TAS2R1: variants seen among roughly 807,000 people sequenced by gnomAD.
TAS2R1 encodes taste receptor type 2 member 1.
For synonymous variants in TAS2R1, 141 were observed against 134.2 expected (o/e 1.05, Z -0.35); for missense variants, 370 against 353.4 (o/e 1.05, Z -0.38).
chr5:9,802,036 T>C, the TAS2R1 span, among the ~76,000 whole-genome samples: 1 of 152,104 alleles, frequency 6.6e-6, no homozygotes, highest in Admixed American at 6.5e-5. Flanking sequence ...TAACCAGGCA[T>C]CCCTAGGGCA....
the TAS2R1 span, among the ~76,000 whole-genome samples, chr5:9,756,898 A>C: frequency 6.6e-6 from 1 of 152,216 alleles, no homozygotes; most frequent in Non-Finnish European, 1.5e-5. Context: ...TAATATGCTC[A>C]TAAAGAACCT....
At chr5:9,749,749 A>C in the TAS2R1 span, among the ~76,000 whole-genome samples, 2 of 152,242 alleles carry the variant, frequency 1.3e-5, no homozygotes, top group African/African-American at 4.8e-5. Context: ...TACAAAGAAC[A>C]ACAAAATCAC....
rs1311509123 is a variant in TAS2R1, at chr5:9,628,286, GC to G, written c.*846del. ...TGATGTTGCTTCATTGGGAAGACAG[GC>G]AATGCAGGAGGAGTTCCAAATTACC... On this transcript the variant is annotated 3_prime_UTR_variant, in exon 1 of 1. Coordinates refer to ENST00000382492, the MANE Select transcript of TAS2R1 (RefSeq NM_019599.3). 6.6e-6 allele frequency among the ~76,000 whole-genome samples: 1 copy of G among 152,110 alleles called. No individual in the cohort carries two copies. Among genetic ancestry groups the G allele is most frequent in the African/African-American group, 2.4e-5 (1 of 41,400 alleles).
At chr5:9,718,560 G>A in the TAS2R1 span, among the ~76,000 whole-genome samples, 1 of 152,130 alleles carries the variant, frequency 6.6e-6, no homozygotes. Context: ...GGCAAAGACA[G>A]GAAGACTGCT....
At chr5:9,658,077 G>T (rs1740451814) in intron 2 of TAS2R1, among the ~76,000 whole-genome samples, 1 of 152,066 alleles carries the variant, frequency 6.6e-6, no homozygotes. Flanking sequence ...TGAGCTCTAG[G>T]CACATCAGAG....
intron 2 of TAS2R1, among the ~76,000 whole-genome samples, chr5:9,654,596 A>G (rs2126490878): frequency 6.6e-6 from 1 of 152,334 alleles, no homozygotes; most frequent in South Asian, 2.1e-4. Flanking sequence ...GAAAGGAAAA[A>G]ATGTCCATAA....
At chr5:9,872,045 CATAA>C in the TAS2R1 span, among the ~76,000 whole-genome samples, 2 of 152,106 alleles carry the variant, frequency 1.3e-5, no homozygotes, top group African/African-American at 4.8e-5. Context: ...TATATATGGG[CATAA>C]ATATTCTATT....
chr5:9,885,789 A>C, the TAS2R1 span, among the ~76,000 whole-genome samples: 1 of 152,198 alleles, frequency 6.6e-6, no homozygotes, highest in East Asian at 1.9e-4. Flanking sequence ...TTTTGAGAGA[A>C]GGAAAGTGTT....
At chr5:9,789,103 T>C in the TAS2R1 span, among the ~76,000 whole-genome samples, 1 of 152,274 alleles carries the variant, frequency 6.6e-6, no homozygotes, top group African/African-American at 2.4e-5. Flanking sequence ...TTCCCATGCC[T>C]ACCCCCAAGT....
chr5:9,786,516 A>G, the TAS2R1 span, among the ~76,000 whole-genome samples: 1 of 152,232 alleles, frequency 6.6e-6, no homozygotes, highest in East Asian at 1.9e-4. Flanking sequence ...AGCACGTACA[A>G]TAACACGGTT....
At position 9,708,749 on chromosome 5, in the gene TAS2R1, C is replaced by T. The variant is rs951632394; in HGVS notation, c.-242+3423G>A. On this transcript the variant is annotated intron_variant, in intron 1 of 2. Coordinates refer to the TAS2R1 transcript ENST00000506620. ...TCCTGTGTATGTCAGAAATGCTTTC[C>T]GGAGAAAGTCATGGAATGCCCAACC... Among the ~76,000 whole-genome samples, 10 of 152,228 alleles carry T rather than the reference C, an allele frequency of 6.6e-5. 1 individual carries two copies. Among genetic ancestry groups the T allele is most frequent in the East Asian group, 1.9e-4 (1 of 5,184 alleles).
chr5:9,882,348 C>A, the TAS2R1 span, among the ~76,000 whole-genome samples: 5 of 152,148 alleles, frequency 3.3e-5, no homozygotes, highest in African/African-American at 1.2e-4. Context: ...CAAGAAATGG[C>A]TGGGCGCAGT....
chr5:9,863,264 A>ATTT, the TAS2R1 span, among the ~76,000 whole-genome samples: 5 of 126,504 alleles, frequency 4.0e-5, no homozygotes, highest in African/African-American at 1.2e-4. Context: ...AGACCCAAAG[A>ATTT]TTTTTTTTTT....
the TAS2R1 span, among the ~76,000 whole-genome samples, chr5:9,750,021 G>A: frequency 6.6e-6 from 1 of 152,286 alleles, no homozygotes; most frequent in Admixed American, 6.5e-5. Context: ...GCAGGAGGCA[G>A]ATCTGTTTGG....
intron 1 of TAS2R1, among the ~76,000 whole-genome samples, chr5:9,711,811 T>C (rs1243647300): frequency 6.7e-6 from 1 of 148,298 alleles, no homozygotes; most frequent in African/African-American, 2.5e-5. Flanking sequence ...TACAGGCACC[T>C]GCTACCACAC....
chr5:9,805,462 C>G, the TAS2R1 span, among the ~76,000 whole-genome samples: 3 of 151,850 alleles, frequency 2.0e-5, no homozygotes, highest in Admixed American at 2.0e-4. Context: ...AACTACAGAC[C>G]CATATCCCTG....
At chr5:9,808,216 A>C in the TAS2R1 span, among the ~76,000 whole-genome samples, 1 of 152,222 alleles carries the variant, frequency 6.6e-6, no homozygotes, top group African/African-American at 2.4e-5. Context: ...ATGTTGGTAG[A>C]AATATGAGCC....
At position 9,682,707 on chromosome 5, in the gene TAS2R1, T is replaced by A. The variant is rs1741016616; in HGVS notation, c.-241-23126A>T. ...GAAAGAATACTGAAAGGTGCTTGAT[T>A]TTTAGCATGAGGCCCTCCAACCTGC... On this transcript the variant is annotated intron_variant, in intron 1 of 2. Transcript: ENST00000506620. 2.0e-5 allele frequency among the ~76,000 whole-genome samples: 3 copies of A among 152,098 alleles called. No individual in the cohort carries two copies. The South Asian group carries it at 6.2e-4, about 32-fold the overall frequency.
the TAS2R1 span, among the ~76,000 whole-genome samples, chr5:9,804,193 C>A: frequency 6.6e-6 from 1 of 152,092 alleles, no homozygotes; most frequent in Non-Finnish European, 1.5e-5. Flanking sequence ...GAAAATATCA[C>A]AATCCTAAAT....
Sources: allele counts gnomAD v4.1 joint callset (sites outside exome capture counted in the v4.1 genomes callset), GRCh38; gene constraint gnomAD v4.1.1; transcripts MANE v1.5; gene names NCBI Gene and HGNC (gene_info 2026-07-23, HGNC 2026-07-21).